Variants in PADI4 observed in about 807,000 individuals in gnomAD.
PADI4 encodes protein-arginine deiminase type-4.
A neutral mutation model predicts 75.0 loss-of-function variants in PADI4; 62 were observed. That is an observed-to-expected ratio of 0.83 (90% CI 0.67 to 1.02). The LOEUF is 1.02. PADI4 is among the 50% of genes least tolerant of loss of function. The pLI is 0.00. For missense variants in PADI4, 845 were observed against 850.5 expected, an observed-to-expected ratio of 0.99 and a Z score of 0.08; for synonymous variants, 361 against 348.1, an observed-to-expected ratio of 1.04 and a Z score of -0.41.
Position 17,339,715 on chromosome 1 carries a change from T to C in PADI4, c.554T>C (p.Leu185Pro). The change falls in exon 6 of 16, where the codon CTG (leucine) becomes CCG (proline). Residue 185 changes from leucine to proline, a missense_variant. Physicochemically the swap from Leu to Pro is moderately conservative, Grantham distance 98. Transcript: ENST00000375448. The stretch of plus-strand genomic sequence containing the variant: ...CTGCAGGACATGTCGCTGATGACCC[T>C]GAGCACGAAGACCCCCAAGGACTTC... ...EDLQDMSLMT[L>P]STKTPKDFFT... 1 of 1,614,012 alleles carries C rather than the reference T, an allele frequency of 6.2e-7. No individual in the cohort carries two copies. Among genetic ancestry groups the C allele is most frequent in the Non-Finnish European group, 8.5e-7 (1 of 1,179,960 alleles).
intron 11 of PADI4, 114 bp from the exon 12 acceptor site, chr1:17,355,869 C>T (rs2074750188): frequency 1.0e-6 from 1 of 978,570 alleles, no homozygotes; most frequent in Non-Finnish European, 1.7e-6. Context: ...TAGACTCCTG[C>T]ATCCCTTTCT....
At chr1:17,345,252 C>G (rs984931537) in intron 8 of PADI4, among the ~76,000 whole-genome samples, 17 of 152,280 alleles carry the variant, frequency 1.1e-4, no homozygotes, top group African/African-American at 3.9e-4. Context: ...TTGTATTTAC[C>G]CAACACCTGT....
intron 15 of PADI4, among the ~76,000 whole-genome samples, chr1:17,360,666 G>C (rs1612843): frequency 0.32 from 48,513 of 152,014 alleles, 8,454 homozygotes; most frequent in African/African-American, 0.47. Flanking sequence ...GCCTTCCCAC[G>C]TAGCACCTTC....
chr1:17,348,954 T>C (rs959827531), intron 10 of PADI4, among the ~76,000 whole-genome samples: 1 of 152,182 alleles, frequency 6.6e-6, no homozygotes, highest in Admixed American at 6.5e-5. Flanking sequence ...GACAAGCATC[T>C]GTACTGTGCC....
intron 6 of PADI4, among the ~76,000 whole-genome samples, chr1:17,340,850 G>C (rs2074406035): frequency 1.3e-5 from 2 of 149,462 alleles, no homozygotes; most frequent in Admixed American, 6.7e-5. Context: ...GCCCCGGCTG[G>C]AGTGCAGTGG....
Position 17,354,533 on chromosome 1 carries a change from G to C in PADI4, c.1156G>C (p.Gly386Arg), listed in dbSNP as rs1181305088. ...LKEFPIKRVM[G>R]PDFGYVTRGP... ...TTGGCACTCCCTTCTCCTATCTCAG[G>C]GTCCAGATTTTGGCTATGTAACTCG... The change falls in exon 11 of 16, where the codon GGT (glycine) becomes CGT (arginine). Residue 386 changes from glycine (G) to arginine (R), a missense_variant and splice_region_variant. Transcript: ENST00000375448. 2 of 1,614,020 alleles carry C rather than the reference G, an allele frequency of 1.2e-6. No individual in the cohort carries two copies. Among genetic ancestry groups the C allele is most frequent in the South Asian group, 1.1e-5 (1 of 91,066 alleles).
intron 1 of PADI4, among the ~76,000 whole-genome samples, chr1:17,326,058 G>A (rs1166516671): frequency 1.3e-5 from 2 of 151,806 alleles, no homozygotes; most frequent in African/African-American, 2.4e-5. Context: ...CAAACAGGAC[G>A]TTCTCTGTGG....
chr1:17,312,909 G>T (rs1189414622), intron 1 of PADI4, among the ~76,000 whole-genome samples: 2 of 151,054 alleles, frequency 1.3e-5, no homozygotes, highest in Non-Finnish European at 2.9e-5. Flanking sequence ...AAACAAAATG[G>T]GGCTGGGCAT....
At chr1:17,319,787 C>G (rs896685579) in intron 1 of PADI4, among the ~76,000 whole-genome samples, 6 of 152,162 alleles carry the variant, frequency 3.9e-5, no homozygotes, top group Non-Finnish European at 8.8e-5. Flanking sequence ...GACTACAGCT[C>G]GGCATCGGCC....
chr1:17,359,590 A>G (rs1168846934), intron 15 of PADI4, among the ~76,000 whole-genome samples, 182 bp downstream of exon 15: 2 of 152,090 alleles, frequency 1.3e-5, no homozygotes, highest in African/African-American at 4.8e-5. Flanking sequence ...GTCTTTCCAC[A>G]AGGTCAGGCT....
intron 1 of PADI4, among the ~76,000 whole-genome samples, chr1:17,318,779 G>A (rs954330585): frequency 8.0e-5 from 12 of 150,158 alleles, no homozygotes; most frequent in African/African-American, 2.0e-4. Context: ...TCCGCCTCCC[G>A]GGTTCATGCC....
chr1:17,343,949 C>T (rs957625558), intron 8 of PADI4, among the ~76,000 whole-genome samples: 11 of 152,132 alleles, frequency 7.2e-5, no homozygotes, highest in African/African-American at 2.4e-4. Flanking sequence ...AATGTGGAAG[C>T]AACTTTGGAA....
rs1208547587 is a variant in PADI4 at position 17,338,111 on chromosome 1, C to G, written c.482C>G (p.Ser161Cys). The change falls in exon 5 of 16, where the codon TCT becomes TGT. Residue 161 changes from serine to cysteine, a missense_variant. Physicochemically the swap from Ser to Cys is moderately radical, Grantham distance 112. Transcript: ENST00000375448. ...LVNCDRDNLE[S>C]SAMDCEDDEV... ...AACTGTGACAGAGACAATCTCGAAT[C>G]TTCTGCCATGGACTGCGAGGATGAT... 1 of 1,613,410 alleles carries G rather than the reference C, an allele frequency of 6.2e-7. No individual in the cohort carries two copies.
chr1:17,359,392 C>A lies in PADI4; in HGVS notation c.1742C>A (p.Ala581Asp), dbSNP rs561879448. The change falls in exon 15 of 16, where the codon GCT becomes GAT. Residue 581 changes from alanine (A) to aspartate (D), a missense_variant. Ala to Asp is a moderately radical substitution (Grantham distance 126). Coordinates refer to ENST00000375448, the MANE Select transcript of PADI4 (RefSeq NM_012387.3). ...FKLKEFSKAEAFFPNMVNMLV... is the reference protein window; with the variant it reads ...FKLKEFSKAEDFFPNMVNMLV... ...CTCAAAGAGTTCTCTAAGGCGGAAG[C>A]TTTTTTCCCCAACATGGTGAGGAGG... The A allele has an allele frequency of 9.3e-6, 15 of 1,614,090 alleles. No homozygotes were observed. The South Asian group carries it at 1.6e-4, about 18-fold the overall frequency.
chr1:17,352,292 G>A (rs938688624), intron 10 of PADI4, among the ~76,000 whole-genome samples: 1 of 151,786 alleles, frequency 6.6e-6, no homozygotes, highest in Non-Finnish European at 1.5e-5. Flanking sequence ...GGCAGTAGAA[G>A]AGGCTGTGGT....
intron 10 of PADI4, among the ~76,000 whole-genome samples, chr1:17,353,280 G>A (rs1338698985): frequency 6.6e-6 from 1 of 152,072 alleles, no homozygotes; most frequent in Non-Finnish European, 1.5e-5. Flanking sequence ...GCAACATAGT[G>A]AGACCCCATC....
rs762042266 is a variant in PADI4 at position 17,339,739 on chromosome 1, T to C, written c.578T>C (p.Phe193Ser). ...CTGAGCACGAAGACCCCCAAGGACT[T>C]CTTCACAAACCATACACTGGTGCTC... ...MTLSTKTPKDFFTNHTLVLHV... is the reference protein window; with the variant it reads ...MTLSTKTPKDSFTNHTLVLHV... Residue 193 changes from phenylalanine (F) to serine (S), a missense_variant, in exon 6 of 16, where the codon TTC (phenylalanine) becomes TCC (serine). Phe to Ser is a radical substitution (Grantham distance 155). Transcript: ENST00000375448. 2.5e-6 allele frequency: 4 copies of C among 1,613,844 alleles called. No homozygotes were observed. The highest frequency in any genetic ancestry group is 1.7e-6 in the Non-Finnish European group (2 of 1,179,992).
chr1:17,355,385 C>G (rs2074742664), intron 11 of PADI4, among the ~76,000 whole-genome samples: 1 of 152,148 alleles, frequency 6.6e-6, no homozygotes, highest in Non-Finnish European at 1.5e-5. Context: ...AACCCCGTCT[C>G]TACTAATGCA....
chr1:17,361,689 A>G (rs1314604033), intron 15 of PADI4, among the ~76,000 whole-genome samples: 3 of 152,188 alleles, frequency 2.0e-5, no homozygotes, highest in Non-Finnish European at 2.9e-5. Context: ...TGACTTGCCT[A>G]AGGCCACACA....
Sources: gnomAD v4.1 joint callset for allele counts (sites outside exome capture counted in the v4.1 genomes callset) on GRCh38, gnomAD v4.1.1 for gene constraint, MANE v1.5 for transcripts, NCBI Gene and HGNC (gene_info 2026-07-23, HGNC 2026-07-21) for gene names.